Variants in CLCN1 observed in about 807,000 individuals in gnomAD.
CLCN1 encodes chloride voltage-gated channel 1.
CLCN1 carries 100 observed loss-of-function variants against 114.5 expected under a neutral mutation model. The observed-to-expected ratio is 0.87, with a 90% CI of 0.74 to 1.03. CLCN1 has a LOEUF of 1.03. Among genes scored for constraint, CLCN1 ranks in the 50% least tolerant of loss-of-function variants. CLCN1 has a pLI of 0.00. For synonymous variants in CLCN1, 485 were observed against 487.1 expected, an observed-to-expected ratio of 1.00 and a Z score of 0.06; for missense variants, 1,188 against 1,250.0, an observed-to-expected ratio of 0.95 and a Z score of 0.75.
intron 14 of CLCN1, 33 bp from the exon 15 acceptor site, chr7:143,341,896 C>T (rs761396182): frequency 1.3e-6 from 2 of 1,576,294 alleles, no homozygotes; most frequent in South Asian, 1.1e-5. Flanking sequence ...AACGGTAGCC[C>T]TAACCTACAG....
chr7:143,347,976 T>C (rs1803301648), intron 20 of CLCN1, among the ~76,000 whole-genome samples: 1 of 152,156 alleles, frequency 6.6e-6, no homozygotes, highest in South Asian at 2.1e-4. Context: ...TTGGCAACTA[T>C]TCCATATGGT....
intron 16 of CLCN1, among the ~76,000 whole-genome samples, chr7:143,343,631 G>C (rs999408709): frequency 2.0e-5 from 3 of 152,164 alleles, no homozygotes; most frequent in African/African-American, 7.2e-5. Context: ...GTTCCATTTT[G>C]ATGCTTACAT....
intron 5 of CLCN1, among the ~76,000 whole-genome samples, chr7:143,322,672 G>A (rs1370465072): frequency 3.9e-5 from 6 of 152,168 alleles, no homozygotes; most frequent in Non-Finnish European, 8.8e-5. Flanking sequence ...GCAGGCACAC[G>A]CCACCACATC....
intron 5 of CLCN1, among the ~76,000 whole-genome samples, chr7:143,322,521 G>T (rs1304860284): frequency 6.6e-6 from 1 of 152,158 alleles, no homozygotes; most frequent in Non-Finnish European, 1.5e-5. Flanking sequence ...AAAATTGAAA[G>T]TTTTGTTGTT....
intron 16 of CLCN1, 130 bp from the exon 17 acceptor site, chr7:143,345,391 C>A: frequency 8.3e-7 from 1 of 1,209,314 alleles, no homozygotes; most frequent in Non-Finnish European, 1.1e-6. Context: ...AATGAGTTTC[C>A]AGGAAGCTGA....
At chr7:143,331,395 A>T in intron 9 of CLCN1, 79 bp downstream of exon 9, 1 of 1,231,204 alleles carries the variant, frequency 8.1e-7, no homozygotes, top group Non-Finnish European at 1.2e-6. Context: ...CCAAGCTAGA[A>T]AGAAGGTGCG....
intron 14 of CLCN1, 25 bp from the exon 15 acceptor site, chr7:143,341,904 C>T (rs1051676114): frequency 1.3e-6 from 2 of 1,592,696 alleles, no homozygotes; most frequent in African/African-American, 1.3e-5. Context: ...CCCTAACCTA[C>T]AGGCGTATTC....
At chr7:143,320,562 TC>T in intron 2 of CLCN1, 101 bp from the exon 3 acceptor site, 1 of 982,252 alleles carries the variant, frequency 1.0e-6, no homozygotes. Context: ...TTTCTCTCTC[TC>T]TCTCTCTCTC....
rs1197353352 is a variant in CLCN1, at chr7:143,351,925, G to A, written c.2927G>A (p.Arg976Gln). 9 of 1,613,526 alleles carry A rather than the reference G, an allele frequency of 5.6e-6. No individual in the cohort carries two copies. The highest frequency in any genetic ancestry group is 7.6e-6 in the Non-Finnish European group (9 of 1,180,030). The stretch of plus-strand genomic sequence containing the variant: ...GACATCTTGCAGGGCCCCAGCCTGC[G>A]ATCCACAGACGAGGAGGATGAGGAT... ...LADILQGPSLRSTDEEDEDEL... is the reference protein window; with the variant it reads ...LADILQGPSLQSTDEEDEDEL... The change falls in exon 23 of 23, where the codon CGA (arginine) becomes CAA (glutamine). Residue 976 changes from arginine (R) to glutamine (Q), a missense_variant. Coordinates refer to ENST00000343257, the MANE Select transcript of CLCN1 (RefSeq NM_000083.3).
chr7:143,334,288 C>T (rs1802812170), intron 12 of CLCN1, among the ~76,000 whole-genome samples: 1 of 151,600 alleles, frequency 6.6e-6, no homozygotes, highest in African/African-American at 2.4e-5. Context: ...GTATGTCTTG[C>T]CTAAATAACA....
intron 15 of CLCN1, 24 bp from the exon 16 acceptor site, chr7:143,342,348 C>G (rs991366365): frequency 2.1e-5 from 34 of 1,613,778 alleles, no homozygotes; most frequent in African/African-American, 2.7e-5. Context: ...TGGGGCTAAC[C>G]CACCATGCTT....
At chr7:143,316,520 A>G in intron 1 of CLCN1, 128 bp downstream of exon 1, 9 of 842,674 alleles carry the variant, frequency 1.1e-5, no homozygotes, top group Non-Finnish European at 1.5e-5. Flanking sequence ...AAAAACAAGT[A>G]CGTGGTGATG....
intron 12 of CLCN1, among the ~76,000 whole-genome samples, chr7:143,337,977 C>T (rs1802956584): frequency 6.6e-6 from 1 of 151,542 alleles, no homozygotes; most frequent in African/African-American, 2.4e-5. Context: ...CAGGTGCCCA[C>T]CACCATGCCT....
Position 143,350,637 on chromosome 7 carries a change from G to T in CLCN1, c.2578G>T (p.Val860Phe). 1.9e-6 allele frequency: 3 copies of T among 1,613,928 alleles called. No homozygotes were observed. Among genetic ancestry groups the T allele is most frequent in the Non-Finnish European group, 2.5e-6 (3 of 1,179,824 alleles). Reference sequence around the variant, plus strand: ...GACCAGCATGGGGAAGCTCAGGGGCGTCCTGGCCCTGGAGGAGGTAATCAC... The same window carrying T: ...GACCAGCATGGGGAAGCTCAGGGGCTTCCTGGCCCTGGAGGAGGTAATCAC... ...YVTSMGKLRG[V>F]LALEELQKAI... The change falls in exon 22 of 23, where the codon GTC (valine) becomes TTC (phenylalanine). Residue 860 changes from valine to phenylalanine, a missense_variant. Coordinates refer to ENST00000343257, the MANE Select transcript of CLCN1 (RefSeq NM_000083.3). This position sits in a 1 kb window ranked among gnomAD's most constrained non-coding sequence, Gnocchi z 5.1.
intron 12 of CLCN1, among the ~76,000 whole-genome samples, chr7:143,338,433 T>C (rs997110728): frequency 5.3e-5 from 8 of 152,152 alleles, no homozygotes; most frequent in East Asian, 1.9e-4. Flanking sequence ...TATGACCCCA[T>C]TGAAGCTCAA....
At chr7:143,346,029 C>T in intron 17 of CLCN1, 111 bp from the exon 18 acceptor site, 1 of 860,834 alleles carries the variant, frequency 1.2e-6, no homozygotes, top group Non-Finnish European at 2.0e-6. Context: ...AATTTCTGAA[C>T]TGGGGGGAAG....
rs747529976 is a variant in CLCN1 at position 143,323,530 on chromosome 7, TCTCC to T, written c.774+147_774+150del. 22 of 728,708 alleles carry T rather than the reference TCTCC, an allele frequency of 3.0e-5. No individual in the cohort carries two copies. The South Asian group carries it at 3.1e-4, about 10-fold the overall frequency. 45.1% of individuals were successfully genotyped at this position (728,708 alleles called of 1,614,324 possible). A position where few individuals can be genotyped will look rare whatever the true frequency, so the allele number is the denominator to read the frequency against. ...GCACTAATCCACGCTCCCTTCCTCG[TCTCC>T]CTGTCTGCCTACCCTGGCCACGTGA... On this transcript the variant is annotated intron_variant, in intron 6 of 22. Coordinates refer to ENST00000343257, the MANE Select transcript of CLCN1 (RefSeq NM_000083.3).
At position 143,321,854 on chromosome 7, in the gene CLCN1, C is replaced by A. The variant is rs760103429; in HGVS notation, c.696+6C>A. The A allele has an allele frequency of 1.2e-6, 2 of 1,613,752 alleles. No homozygotes were observed. The highest frequency in any genetic ancestry group is 1.7e-6 in the Non-Finnish European group (2 of 1,179,912). On this transcript the variant is annotated splice_donor_region_variant and intron_variant, in intron 5 of 22. Coordinates refer to ENST00000343257, the MANE Select transcript of CLCN1 (RefSeq NM_000083.3). This position sits in a 1 kb window ranked among gnomAD's most constrained non-coding sequence, Gnocchi z 4.2. ...GCATCCCCGTGGGGAAAGAGGTAGGCCTGGCATGACTGAAGCCAGAGCTGG... is the reference window on the plus strand; with the variant it reads ...GCATCCCCGTGGGGAAAGAGGTAGGACTGGCATGACTGAAGCCAGAGCTGG...
intron 12 of CLCN1, among the ~76,000 whole-genome samples, chr7:143,334,059 C>A (rs936313765): frequency 1.3e-5 from 2 of 152,046 alleles, no homozygotes; most frequent in African/African-American, 2.4e-5. Context: ...ACTAAAAACA[C>A]AAAATTAACC....
Sources: allele counts gnomAD v4.1 joint callset (sites outside exome capture counted in the v4.1 genomes callset), GRCh38; gene constraint gnomAD v4.1.1; non-coding constraint Gnocchi (gnomAD v3.1); transcripts MANE v1.5; gene names NCBI Gene and HGNC (gene_info 2026-07-23, HGNC 2026-07-21).